The following DPH6 variants were observed in gnomAD, a reference collection of about 807,000 sequenced individuals.
DPH6 encodes diphthamine biosynthesis 6.
DPH6 carries 33 observed loss-of-function variants against 38.2 expected under a neutral mutation model. The ratio of observed to expected loss-of-function variants is 0.86; its 90% CI spans 0.65 to 1.15. The LOEUF (loss-of-function observed/expected upper bound fraction) is 1.15, where lower values mean the gene tolerates loss of function less well. Ranked by LOEUF, DPH6 falls within the 50% of genes most tolerant of loss-of-function variation. The pLI is 0.00. For missense variants in DPH6, 325 were observed against 320.0 expected (o/e 1.02, Z -0.12); for synonymous variants, 108 against 103.0 (o/e 1.05, Z -0.30).
At chr15:35,414,476 T>A (rs927039396) in intron 5 of DPH6, among the ~76,000 whole-genome samples, 2 of 151,854 alleles carry the variant, frequency 1.3e-5, no homozygotes, top group African/African-American at 4.8e-5. Flanking sequence ...GGCACATGTT[T>A]ATTTTAATTA....
At chr15:35,490,629 C>T (rs1306918037) in intron 3 of DPH6, among the ~76,000 whole-genome samples, 1 of 152,130 alleles carries the variant, frequency 6.6e-6, no homozygotes, top group Non-Finnish European at 1.5e-5. Flanking sequence ...ATTTACTTCA[C>T]TACAATATCA....
the DPH6 span, among the ~76,000 whole-genome samples, chr15:35,206,212 G>A: frequency 6.6e-6 from 1 of 152,128 alleles, no homozygotes. Flanking sequence ...TTACCAGTGT[G>A]AATATGATTT....
At chr15:35,347,273 A>G (rs983867483) in intron 3 of DPH6, among the ~76,000 whole-genome samples, 2 of 152,130 alleles carry the variant, frequency 1.3e-5, no homozygotes, top group South Asian at 2.1e-4. Flanking sequence ...TTCACTTAGC[A>G]TAATGTCCTC....
chr15:35,328,063 T>C (rs766933588), downstream of DPH6, among the ~76,000 whole-genome samples: 19 of 152,278 alleles, frequency 1.2e-4, no homozygotes, highest in Non-Finnish European at 2.5e-4. Context: ...CACTGCAACA[T>C]GAACCATCAA....
At chr15:35,416,097 T>C (rs762052347) in intron 5 of DPH6, among the ~76,000 whole-genome samples, 1 of 151,968 alleles carries the variant, frequency 6.6e-6, no homozygotes, top group Non-Finnish European at 1.5e-5. Flanking sequence ...AGAATTGTCT[T>C]GGGCCACATA....
At chr15:35,382,246 T>G (rs758667147) in intron 6 of DPH6, among the ~76,000 whole-genome samples, 18 of 151,898 alleles carry the variant, frequency 1.2e-4, no homozygotes, top group African/African-American at 1.7e-4. Context: ...CCATCCTGGC[T>G]AACATGGTGA....
At chr15:35,201,131 T>C in the DPH6 span, among the ~76,000 whole-genome samples, 3 of 151,694 alleles carry the variant, frequency 2.0e-5, no homozygotes, top group African/African-American at 7.2e-5. Context: ...TTATGAGTAT[T>C]TATATTTAAT....
intron 3 of DPH6, among the ~76,000 whole-genome samples, chr15:35,221,480 G>T (rs1350020915): frequency 6.6e-6 from 1 of 152,278 alleles, no homozygotes; most frequent in African/African-American, 2.4e-5. Context: ...CTAGGTGAAG[G>T]CCACCATAGT....
At chr15:35,279,068 A>AAAATATATATATATATATAT (rs1555390826) in intron 3 of DPH6, among the ~76,000 whole-genome samples, 5 of 102,990 alleles carry the variant, frequency 4.9e-5, no homozygotes, top group African/African-American at 1.9e-4. Context: ...AAAAAAAAAA[A>AAAATATATATATATATATAT]ATATATATAT....
At chr15:35,377,830 T>C (rs1025259589) in intron 7 of DPH6, among the ~76,000 whole-genome samples, 1 of 152,098 alleles carries the variant, frequency 6.6e-6, no homozygotes, top group Non-Finnish European at 1.5e-5. Flanking sequence ...TATCTCATAA[T>C]AAACTTCTAC....
chr15:35,185,725 T>TTA, the DPH6 span, among the ~76,000 whole-genome samples: 1 of 11,008 alleles, frequency 9.1e-5, no homozygotes, highest in Non-Finnish European at 2.7e-4. Context: ...CAATCCACTC[T>TTA]TTTTTTTTTT....
intron 3 of DPH6, among the ~76,000 whole-genome samples, chr15:35,342,866 GATATCAAAT>G: frequency 6.6e-6 from 1 of 152,094 alleles, no homozygotes; most frequent in Non-Finnish European, 1.5e-5. Context: ...TATTCTTTAA[GATATCAAAT>G]GAGAACTCAG....
chr15:35,359,245 C>T (rs1363010613), intron 3 of DPH6, among the ~76,000 whole-genome samples: 2 of 152,092 alleles, frequency 1.3e-5, no homozygotes, highest in African/African-American at 4.8e-5. Context: ...CCCTCAACAC[C>T]CCCCAGACTG....
chr15:35,238,666 CCT>C (rs1470179659), intron 3 of DPH6, among the ~76,000 whole-genome samples: 1 of 152,232 alleles, frequency 6.6e-6, no homozygotes, highest in East Asian at 1.9e-4. Context: ...CATCGCATCC[CCT>C]GTGATTTGCA....
chr15:35,188,611 C>G, the DPH6 span, among the ~76,000 whole-genome samples: 1 of 152,296 alleles, frequency 6.6e-6, no homozygotes, highest in East Asian at 1.9e-4. Context: ...GCCTTGGTCT[C>G]TCCTTCTGCC....
At chr15:35,320,382 T>C (rs1052918030) in intron 3 of DPH6, among the ~76,000 whole-genome samples, 3 of 152,198 alleles carry the variant, frequency 2.0e-5, no homozygotes, top group African/African-American at 7.2e-5. Flanking sequence ...GTTGGATATC[T>C]TTTGAGTGTA....
chr15:35,438,381 G>T (rs1184722258), intron 5 of DPH6, among the ~76,000 whole-genome samples: 1 of 152,126 alleles, frequency 6.6e-6, no homozygotes, highest in Non-Finnish European at 1.5e-5. Context: ...GATTACTTGG[G>T]AAAAACAGAA....
At chr15:35,348,722 G>A (rs1306471869) in intron 3 of DPH6, among the ~76,000 whole-genome samples, 2 of 152,040 alleles carry the variant, frequency 1.3e-5, no homozygotes, top group African/African-American at 4.8e-5. Flanking sequence ...AGATTTCAAG[G>A]AATCTGTAGA....
intron 5 of DPH6, among the ~76,000 whole-genome samples, chr15:35,432,442 G>A (rs1403963464): frequency 6.6e-6 from 1 of 152,078 alleles, no homozygotes; most frequent in African/African-American, 2.4e-5. Flanking sequence ...AACCCAATGA[G>A]CACAACCAGA....
Sources: gnomAD v4.1 joint callset for allele counts (sites outside exome capture counted in the v4.1 genomes callset) on GRCh38, gnomAD v4.1.1 for gene constraint, MANE v1.5 for transcripts, NCBI Gene and HGNC (gene_info 2026-07-23, HGNC 2026-07-21) for gene names.